Variants in TTC27 observed in about 807,000 individuals in gnomAD.
TTC27 encodes the protein tetratricopeptide repeat domain 27.
A neutral mutation model predicts 115.9 loss-of-function variants in TTC27; 79 were observed. The ratio of observed to expected loss-of-function variants is 0.68; its 90% CI spans 0.57 to 0.82. TTC27 has a LOEUF of 0.82. Ranked by LOEUF, TTC27 falls within the 40% of genes least tolerant of loss-of-function variation. The pLI, the probability that TTC27 is intolerant of heterozygous loss-of-function variation, is 0.00. For missense variants in TTC27, 1,054 were observed against 993.1 expected (o/e 1.06, Z -0.82); for synonymous variants, 401 against 356.0 (o/e 1.13, Z -1.42).
At chr2:32,685,876 A>G (rs1201200721) in intron 9 of TTC27, among the ~76,000 whole-genome samples, 1 of 152,228 alleles carries the variant, frequency 6.6e-6, no homozygotes. Flanking sequence ...AGAAGAAGAT[A>G]TGAAGAAATA....
Position 32,703,019 on chromosome 2 carries a change from A to C in TTC27, c.1233+99A>C, listed in dbSNP as rs936184684. On this transcript the variant is annotated intron_variant, in intron 10 of 19. Coordinates refer to ENST00000317907, the MANE Select transcript of TTC27 (RefSeq NM_017735.5). ...TGAATGAAGGAATGAAATGGCTTAC[A>C]TTTCACTCAAATAATTTGTTACTGT... is the stretch of plus-strand genomic sequence containing the variant. The C allele has an allele frequency of 3.7e-6, 3 of 817,888 alleles. No individual in the cohort carries two copies. The African/African-American group carries it at 5.2e-5, about 14-fold the overall frequency. The allele number at this position is 817,888 out of a possible 1,614,324, so 50.7% of individuals were successfully genotyped here.
intron 5 of TTC27, 129 bp from the exon 6 acceptor site, chr2:32,664,174 C>G (rs1572490725): frequency 2.6e-6 from 2 of 773,670 alleles, no homozygotes; most frequent in East Asian, 2.9e-5. Context: ...TTCCTCAGGT[C>G]TTATGTTTAA....
At chr2:32,653,612 A>C (rs1050364548) in intron 5 of TTC27, among the ~76,000 whole-genome samples, 12 of 151,926 alleles carry the variant, frequency 7.9e-5, no homozygotes, top group Non-Finnish European at 1.6e-4. Flanking sequence ...AAAAACAAAA[A>C]AAAAACAGTC....
At chr2:32,804,042 C>T (rs1671050680) in intron 16 of TTC27, among the ~76,000 whole-genome samples, 2 of 150,578 alleles carry the variant, frequency 1.3e-5, no homozygotes, top group African/African-American at 2.4e-5. Context: ...ATGCAAATTT[C>T]TTAGAAAGGA....
At chr2:32,667,040 A>G (rs1223431453) in intron 7 of TTC27, among the ~76,000 whole-genome samples, 1 of 152,086 alleles carries the variant, frequency 6.6e-6, no homozygotes, top group African/African-American at 2.4e-5. Context: ...CTATGAATTA[A>G]TGATGCAGTT....
At chr2:32,693,382 CACCCTAA>C in intron 9 of TTC27, among the ~76,000 whole-genome samples, 1 of 152,326 alleles carries the variant, frequency 6.6e-6, no homozygotes, top group East Asian at 1.9e-4. Flanking sequence ...TCTCCGGCTC[CACCCTAA>C]ACCCTGTTCA....
intron 10 of TTC27, among the ~76,000 whole-genome samples, chr2:32,716,643 T>C (rs1667760407): frequency 6.6e-6 from 1 of 152,142 alleles, no homozygotes. Flanking sequence ...TTGGGGATTG[T>C]TACTCTATAT....
intron 10 of TTC27, among the ~76,000 whole-genome samples, chr2:32,704,361 A>G (rs1192052242): frequency 1.3e-5 from 2 of 151,892 alleles, no homozygotes; most frequent in Non-Finnish European, 1.5e-5. Context: ...TAATTTTTGT[A>G]TTTTTAGTAG....
At chr2:32,719,948 C>G (rs1667867899) in intron 10 of TTC27, among the ~76,000 whole-genome samples, 1 of 152,202 alleles carries the variant, frequency 6.6e-6, no homozygotes, top group African/African-American at 2.4e-5. Flanking sequence ...CCTGTCTTAG[C>G]TCCATTCTAA....
At chr2:32,672,469 C>A in intron 8 of TTC27, 85 bp downstream of exon 8, 2 of 1,059,824 alleles carry the variant, frequency 1.9e-6, no homozygotes, top group Non-Finnish European at 2.9e-6. Context: ...AAGGAGGTTC[C>A]AAGAGTTCTG....
At chr2:32,739,307 G>C (rs546838184) in intron 12 of TTC27, among the ~76,000 whole-genome samples, 1 of 152,168 alleles carries the variant, frequency 6.6e-6, no homozygotes, top group Non-Finnish European at 1.5e-5. Flanking sequence ...TTTGAAATAA[G>C]CAAGTTGGTA....
intron 14 of TTC27, among the ~76,000 whole-genome samples, chr2:32,782,345 ATTAG>A: frequency 6.6e-6 from 1 of 152,326 alleles, no homozygotes; most frequent in Non-Finnish European, 1.5e-5. Flanking sequence ...AGTATGTTGT[ATTAG>A]TTATTTTGTA....
rs777123325 is a variant in TTC27 at position 32,682,722 on chromosome 2, G to GCAAT, written c.1119+3801_1119+3804dup. ...TTGCTCTTGTCGCCCAGGCTGGAAT[G>GCAAT]CAATGGCGCGATCTCAACTCATTGC... On this transcript the variant is annotated intron_variant, in intron 9 of 19. Transcript: ENST00000317907. Among the ~76,000 whole-genome samples, 9 of 141,566 alleles carry GCAAT rather than the reference G, an allele frequency of 6.4e-5. No homozygotes were observed. The East Asian group carries it at 1.9e-3, about 30-fold the overall frequency. The allele number at this position is 141,566 out of a possible 152,430, so 92.9% of individuals were successfully genotyped here.
At chr2:32,639,587 A>G (rs1021232961) in intron 3 of TTC27, among the ~76,000 whole-genome samples, 2 of 152,208 alleles carry the variant, frequency 1.3e-5, no homozygotes, top group Non-Finnish European at 2.9e-5. Flanking sequence ...CAAATACACT[A>G]TTTACTATAA....
At chr2:32,692,773 A>C (rs1278302680) in intron 9 of TTC27, among the ~76,000 whole-genome samples, 1 of 152,044 alleles carries the variant, frequency 6.6e-6, no homozygotes, top group East Asian at 1.9e-4. Context: ...GGAATTCAAG[A>C]CCAGCCTGGC....
intron 10 of TTC27, among the ~76,000 whole-genome samples, chr2:32,731,247 C>T (rs1668282272): frequency 6.6e-6 from 1 of 151,956 alleles, no homozygotes; most frequent in Admixed American, 6.5e-5. Context: ...CACCACCATG[C>T]CCGGCTAATT....
intron 5 of TTC27, among the ~76,000 whole-genome samples, chr2:32,661,229 T>A (rs866765927): frequency 6.6e-6 from 1 of 152,194 alleles, no homozygotes; most frequent in Admixed American, 6.5e-5. Context: ...TTCTTTTTGC[T>A]TAGGATTGTC....
intron 10 of TTC27, among the ~76,000 whole-genome samples, chr2:32,716,693 GT>G (rs151064313): frequency 5.4e-5 from 8 of 148,914 alleles, no homozygotes; most frequent in African/African-American, 2.0e-4. Flanking sequence ...TGTTCTATAT[GT>G]TTTTTTTTTC....
At chr2:32,642,493 C>G (rs575024881) in intron 4 of TTC27, among the ~76,000 whole-genome samples, 22 of 150,676 alleles carry the variant, frequency 1.5e-4, no homozygotes, top group Non-Finnish European at 2.4e-4. Flanking sequence ...CCTCAGGTAA[C>G]CTGCCTGCCT....
Sources: allele counts gnomAD v4.1 joint callset (sites outside exome capture counted in the v4.1 genomes callset), GRCh38; gene constraint gnomAD v4.1.1; transcripts MANE v1.5; gene names NCBI Gene and HGNC (gene_info 2026-07-23, HGNC 2026-07-21).